SORCS2: variants seen among roughly 807,000 people sequenced by gnomAD.
SORCS2 encodes the protein VPS10 domain-containing receptor SorCS2.
A neutral mutation model predicts 141.6 loss-of-function variants in SORCS2; 100 were observed. The observed-to-expected ratio is 0.71, with a 90% CI of 0.60 to 0.83. SORCS2 has a LOEUF of 0.83. Ranked by LOEUF, SORCS2 falls within the 40% of genes least tolerant of loss-of-function variation. SORCS2 has a pLI of 0.00. For missense variants in SORCS2, 1,646 were observed against 1,560.2 expected (o/e 1.05, Z -0.93); for synonymous variants, 789 against 676.9 (o/e 1.17, Z -2.57).
chr4:7,579,211 T>C (rs1193956827), intron 3 of SORCS2, among the ~76,000 whole-genome samples: 1 of 152,244 alleles, frequency 6.6e-6, no homozygotes, highest in Admixed American at 6.5e-5. Flanking sequence ...TGTCGTTATT[T>C]TTCCCATCCA....
intron 2 of SORCS2, among the ~76,000 whole-genome samples, chr4:7,455,851 T>G (rs898263305): frequency 2.6e-5 from 4 of 152,172 alleles, no homozygotes; most frequent in African/African-American, 9.7e-5. Context: ...GGGTTCAGAT[T>G]CTGTGTTAGC....
intron 1 of SORCS2, among the ~76,000 whole-genome samples, chr4:7,355,349 T>C (rs965855221): frequency 6.6e-6 from 1 of 152,172 alleles, no homozygotes; most frequent in African/African-American, 2.4e-5. Context: ...TTAGAACCTC[T>C]TTGGACAAAT....
At chr4:7,542,869 T>C (rs1335977771) in intron 3 of SORCS2, among the ~76,000 whole-genome samples, 2 of 152,220 alleles carry the variant, frequency 1.3e-5, no homozygotes, top group African/African-American at 4.8e-5. Context: ...GCACTGCCTC[T>C]TACGCTCCAC....
chr4:7,723,058 C>T (rs1043720174), intron 18 of SORCS2, among the ~76,000 whole-genome samples: 4 of 152,004 alleles, frequency 2.6e-5, no homozygotes, highest in African/African-American at 4.8e-5. Context: ...GAGGGAAATG[C>T]GGTTATTGGA....
intron 25 of SORCS2, among the ~76,000 whole-genome samples, chr4:7,736,728 C>T (rs1355481845): frequency 2.0e-5 from 3 of 152,284 alleles, no homozygotes; most frequent in Admixed American, 6.5e-5. Context: ...GGTGGCCAGG[C>T]ATGGGGGGTC....
intron 2 of SORCS2, chr4:7,434,156 G>A (rs1727106781): frequency 2.5e-6 from 4 of 1,613,950 alleles, no homozygotes; most frequent in Middle Eastern, 1.6e-4. Context: ...TGCGGGGGGA[G>A]AAGCCTCAGT....
chr4:7,324,937 G>A lies in SORCS2; in HGVS notation c.481-71351G>A, dbSNP rs568999669. 3.9e-5 allele frequency among the ~76,000 whole-genome samples: 6 copies of A among 152,366 alleles called. No individual in the cohort carries two copies. In the East Asian group the frequency reaches 1.2e-3, roughly 29 times the overall value. On this transcript the variant is annotated intron_variant, in intron 1 of 26. Coordinates refer to ENST00000507866, the MANE Select transcript of SORCS2 (RefSeq NM_020777.3). ...CCCACAGAAGCTGGCGGCAGCTCCT[G>A]GATTTGACTCTGGCTCTGCTGAGCG...
intron 1 of SORCS2, among the ~76,000 whole-genome samples, chr4:7,213,701 C>T (rs776084290): frequency 1.3e-4 from 20 of 152,158 alleles, no homozygotes; most frequent in Non-Finnish European, 2.9e-4. Flanking sequence ...GTGGGTTGGG[C>T]AGAGTTCTCC....
chr4:7,509,374 G>A (rs75203057), intron 2 of SORCS2, among the ~76,000 whole-genome samples: 6,254 of 152,130 alleles, frequency 0.041, 441 homozygotes, highest in African/African-American at 0.14. Context: ...TGTGGAGTCC[G>A]GTGGGAGTCC....
chr4:7,302,626 C>T (rs1170900665), intron 1 of SORCS2, among the ~76,000 whole-genome samples: 1 of 152,176 alleles, frequency 6.6e-6, no homozygotes, highest in African/African-American at 2.4e-5. Context: ...GCAATGACCA[C>T]AGTTGGACTT....
At chr4:7,213,553 C>T (rs1232163807) in intron 1 of SORCS2, among the ~76,000 whole-genome samples, 2 of 152,180 alleles carry the variant, frequency 1.3e-5, no homozygotes, top group Non-Finnish European at 2.9e-5. Context: ...CCAGTGCCCT[C>T]AAGCTTGCTG....
At chr4:7,265,891 T>C (rs757460914) in intron 1 of SORCS2, among the ~76,000 whole-genome samples, 2 of 152,088 alleles carry the variant, frequency 1.3e-5, no homozygotes, top group South Asian at 4.2e-4. Context: ...GCTCTCTGTT[T>C]GCAGTCCCCA....
intron 1 of SORCS2, among the ~76,000 whole-genome samples, chr4:7,262,373 T>C (rs1362055854): frequency 2.0e-4 from 26 of 127,498 alleles, no homozygotes; most frequent in South Asian, 1.2e-3. Flanking sequence ...CACCTATCCA[T>C]CTATCCATCC....
rs144559695 is a variant in SORCS2, at chr4:7,618,264, C to G, written c.649-20064C>G. Among the ~76,000 whole-genome samples, 335 of 152,218 alleles carry G rather than the reference C, an allele frequency of 2.2e-3. 2 individuals are homozygous for G. Among genetic ancestry groups the G allele is most frequent in the African/African-American group, 7.8e-3 (324 of 41,538 alleles). On this transcript the variant is annotated intron_variant, in intron 3 of 26. Coordinates refer to ENST00000507866, the MANE Select transcript of SORCS2 (RefSeq NM_020777.3). ...ATCCCCTCACCCCACCTCAGATGCACTAGTGAGGTCTGTGCTGCACAGTGA... is the reference window on the plus strand; with the variant it reads ...ATCCCCTCACCCCACCTCAGATGCAGTAGTGAGGTCTGTGCTGCACAGTGA...
At chr4:7,527,527 G>T (rs1733771908) in intron 2 of SORCS2, among the ~76,000 whole-genome samples, 1 of 152,322 alleles carries the variant, frequency 6.6e-6, no homozygotes, top group East Asian at 1.9e-4. Flanking sequence ...GACAGGGCAT[G>T]GGTTCTCCTC....
At chr4:7,448,604 C>CCCTTCCTTCCTT (rs10531260) in intron 2 of SORCS2, among the ~76,000 whole-genome samples, 1 of 115,580 alleles carries the variant, frequency 8.7e-6, no homozygotes, top group African/African-American at 3.3e-5. Flanking sequence ...CTTCCTCTAT[C>CCCTTCCTTCCTT]CCTTCCTTCC....
intron 4 of SORCS2, among the ~76,000 whole-genome samples, chr4:7,640,506 G>A (rs979708114): frequency 3.2e-5 from 3 of 93,940 alleles, no homozygotes; most frequent in African/African-American, 1.2e-4. Flanking sequence ...GCGTATGTGA[G>A]AGTGTGTGAG....
intron 2 of SORCS2, among the ~76,000 whole-genome samples, chr4:7,416,792 G>GCA (rs36107062): frequency 0.47 from 70,386 of 151,088 alleles, 17,030 homozygotes; most frequent in African/African-American, 0.62. Context: ...ACACGCTTGT[G>GCA]CACACACAAA....
In SORCS2 at chr4:7,733,377, G is replaced by A. The variant is rs1317106215; in HGVS notation, c.3164G>A (p.Arg1055Gln). The A allele has an allele frequency of 1.1e-5, 18 of 1,589,756 alleles. No individual in the cohort carries two copies. The highest frequency in any genetic ancestry group is 1.5e-5 in the Non-Finnish European group (17 of 1,168,928). ...GCACAGAAGATCAGCTTCCTCCTGC[G>A]AGGCGGAGTCCGGGTCCTGGTGGCC... ...LNAQKISFLL[R>Q]GGVRVLVALR... Residue 1055 changes from arginine to glutamine, a missense_variant, in exon 24 of 27, where the codon CGA (arginine) becomes CAA (glutamine). By Grantham distance (43) the Arg-to-Gln change is conservative. Transcript: ENST00000507866.
Sources: allele counts gnomAD v4.1 joint callset (sites outside exome capture counted in the v4.1 genomes callset), GRCh38; gene constraint gnomAD v4.1.1; transcripts MANE v1.5; gene names NCBI Gene and HGNC (gene_info 2026-07-23, HGNC 2026-07-21).